UBE3D: variants seen among roughly 807,000 people sequenced by gnomAD.
The protein encoded by UBE3D is E3 ubiquitin-protein ligase E3D.
A neutral mutation model predicts 49.6 loss-of-function variants in UBE3D; 48 were observed. That is an observed-to-expected ratio of 0.97 (90% CI 0.77 to 1.23). The LOEUF is 1.23. UBE3D is among the 50% of genes most tolerant of loss of function. The pLI is 0.00. For synonymous variants in UBE3D, 189 were observed against 174.2 expected (o/e 1.08, Z -0.67); for missense variants, 452 against 468.4 (o/e 0.96, Z 0.32).
intron 8 of UBE3D, among the ~76,000 whole-genome samples, chr6:82,987,905 A>G (rs981202645): frequency 2.6e-5 from 4 of 152,284 alleles, no homozygotes; most frequent in African/African-American, 9.6e-5. Context: ...GAATGAATAA[A>G]TGACATGTGT....
intron 1 of UBE3D, among the ~76,000 whole-genome samples, chr6:83,063,412 T>TAAAA (rs201669450): frequency 6.2e-4 from 28 of 45,444 alleles, no homozygotes; most frequent in African/African-American, 1.7e-3. Context: ...AGACGCTGTC[T>TAAAA]AAAAAAAAAA....
intron 9 of UBE3D, among the ~76,000 whole-genome samples, chr6:82,939,337 AAAAT>A (rs1163916336): frequency 6.6e-6 from 1 of 152,342 alleles, no homozygotes; most frequent in South Asian, 2.1e-4. Flanking sequence ...GCTAAAAGTA[AAAAT>A]ATGTATTGTT....
At chr6:82,900,474 G>A (rs1771651865) in intron 9 of UBE3D, among the ~76,000 whole-genome samples, 1 of 152,128 alleles carries the variant, frequency 6.6e-6, no homozygotes, top group Admixed American at 6.6e-5. Context: ...AATGGGTTCT[G>A]TCATTTAAAC....
At chr6:82,907,161 C>T (rs528245736) in intron 9 of UBE3D, among the ~76,000 whole-genome samples, 7 of 152,190 alleles carry the variant, frequency 4.6e-5, no homozygotes, top group Non-Finnish European at 8.8e-5. Context: ...AAGTGACTCA[C>T]TGCCTTATGT....
chr6:83,065,773 C>T lies in UBE3D; in HGVS notation c.-55G>A. The T allele has an allele frequency of 3.3e-6, 5 of 1,538,122 alleles. No individual in the cohort carries two copies. The highest frequency in any genetic ancestry group is 4.4e-6 in the Non-Finnish European group (5 of 1,130,024). On this transcript the variant is annotated 5_prime_UTR_variant, in exon 1 of 10. Coordinates refer to ENST00000369747, the MANE Select transcript of UBE3D (RefSeq NM_198920.3). ...GCTGGAGGTTCCGAGGGGCCCGGGT[C>T]AACAGGACCAGGAGAGGTTCCACGT...
At chr6:82,932,148 G>C (rs1351741878) in intron 9 of UBE3D, among the ~76,000 whole-genome samples, 2 of 152,150 alleles carry the variant, frequency 1.3e-5, no homozygotes, top group Non-Finnish European at 2.9e-5. Context: ...ATGCTGAACT[G>C]TGAGTCAATT....
intron 9 of UBE3D, among the ~76,000 whole-genome samples, chr6:82,904,663 C>A (rs1771970384): frequency 6.6e-6 from 1 of 152,168 alleles, no homozygotes; most frequent in South Asian, 2.1e-4. Flanking sequence ...GCTGCAGATG[C>A]ATCTCTTTTG....
intron 8 of UBE3D, among the ~76,000 whole-genome samples, chr6:82,957,901 T>C (rs1442440955): frequency 6.6e-6 from 1 of 152,228 alleles, no homozygotes; most frequent in Non-Finnish European, 1.5e-5. Context: ...ATGGAACATT[T>C]AGCTCAGTGA....
chr6:82,994,085 C>T (rs1779081245), intron 8 of UBE3D, among the ~76,000 whole-genome samples: 2 of 152,070 alleles, frequency 1.3e-5, no homozygotes, highest in South Asian at 2.1e-4. Flanking sequence ...ATCATAGGGC[C>T]TAAAATAAAC....
At chr6:83,055,328 TTG>T (rs757659398) in intron 2 of UBE3D, among the ~76,000 whole-genome samples, 1 of 152,184 alleles carries the variant, frequency 6.6e-6, no homozygotes, top group African/African-American at 2.4e-5. Flanking sequence ...TGGATTTGGT[TTG>T]TGTTTTTCTG....
intron 9 of UBE3D, among the ~76,000 whole-genome samples, chr6:82,928,255 C>A (rs187516993): frequency 6.6e-6 from 1 of 151,980 alleles, no homozygotes; most frequent in East Asian, 1.9e-4. Context: ...CCGGGAACCG[C>A]ATATGAATGG....
intron 8 of UBE3D, among the ~76,000 whole-genome samples, chr6:82,972,679 A>G (rs1777438376): frequency 6.6e-6 from 1 of 152,240 alleles, no homozygotes; most frequent in Non-Finnish European, 1.5e-5. Context: ...AAATGTACAT[A>G]AAAATATAGC....
chr6:82,938,842 G>A (rs1458139052), intron 9 of UBE3D, among the ~76,000 whole-genome samples: 2 of 152,072 alleles, frequency 1.3e-5, no homozygotes, highest in Non-Finnish European at 2.9e-5. Flanking sequence ...AGATCACTAA[G>A]AAATCTAAAT....
intron 5 of UBE3D, among the ~76,000 whole-genome samples, chr6:83,031,159 C>A (rs968168445): frequency 6.6e-6 from 1 of 152,150 alleles, no homozygotes; most frequent in Non-Finnish European, 1.5e-5. Context: ...AGGCGTGCAC[C>A]AATATGCCTG....
At chr6:83,013,764 A>G (rs527523548) in intron 8 of UBE3D, among the ~76,000 whole-genome samples, 1 of 152,172 alleles carries the variant, frequency 6.6e-6, no homozygotes, top group African/African-American at 2.4e-5. Context: ...TTTTAATCGG[A>G]TTTATTTCCC....
chr6:83,020,343 T>TTTTTTTTTTTTTTG, intron 7 of UBE3D, among the ~76,000 whole-genome samples: 1 of 16,420 alleles, frequency 6.1e-5, no homozygotes, highest in African/African-American at 1.3e-4. Context: ...GTGATACTGT[T>TTTTTTTTTTTTTTG]TTTTTTTTTT....
intron 8 of UBE3D, among the ~76,000 whole-genome samples, chr6:83,013,936 C>T (rs1028304166): frequency 5.7e-4 from 87 of 152,284 alleles, no homozygotes; most frequent in Non-Finnish European, 5.7e-4. Flanking sequence ...GACACAAAGA[C>T]GGAGAGTTGA....
intron 8 of UBE3D, 73 bp from the exon 9 acceptor site, chr6:82,957,523 G>A: frequency 6.7e-7 from 1 of 1,490,972 alleles, no homozygotes; most frequent in Non-Finnish European, 9.0e-7. Flanking sequence ...TATGAAAGAA[G>A]AAAACTCAAT....
At chr6:82,973,859 C>G (rs1777525483) in intron 8 of UBE3D, among the ~76,000 whole-genome samples, 1 of 152,284 alleles carries the variant, frequency 6.6e-6, no homozygotes, top group East Asian at 1.9e-4. Context: ...AGATAAGCAG[C>G]AGCATTAGAT....
Sources: allele counts gnomAD v4.1 joint callset (sites outside exome capture counted in the v4.1 genomes callset), GRCh38; gene constraint gnomAD v4.1.1; transcripts MANE v1.5; gene names NCBI Gene and HGNC (gene_info 2026-07-23, HGNC 2026-07-21).